Variants in XPR1 observed in about 807,000 individuals in gnomAD.
The protein encoded by XPR1 is xenotropic and polytropic retrovirus receptor 1.
XPR1 carries 28 observed loss-of-function variants against 87.5 expected under a neutral mutation model. The ratio of observed to expected loss-of-function variants is 0.32; its 90% CI spans 0.24 to 0.44. The LOEUF (loss-of-function observed/expected upper bound fraction) is 0.44, where lower values mean the gene tolerates loss of function less well. XPR1 is among the 20% of genes least tolerant of loss of function. The pLI, the probability that XPR1 is intolerant of heterozygous loss-of-function variation, is 1.00. For missense variants in XPR1, 559 were observed against 862.3 expected (o/e 0.65, Z 4.41); for synonymous variants, 300 against 306.1 (o/e 0.98, Z 0.21).
intron 1 of XPR1, among the ~76,000 whole-genome samples, chr1:180,657,850 G>A (rs1303270171): frequency 6.6e-6 from 1 of 152,058 alleles, no homozygotes; most frequent in Non-Finnish European, 1.5e-5. Flanking sequence ...GATAGAGATT[G>A]CATTGAATCT....
At chr1:180,780,953 T>G (rs1261231437) in intron 2 of XPR1, among the ~76,000 whole-genome samples, 1 of 152,010 alleles carries the variant, frequency 6.6e-6, no homozygotes, top group East Asian at 1.9e-4. Flanking sequence ...ATCTATCAAT[T>G]TTTTTATTTG....
chr1:180,670,589 T>G (rs1238164683), intron 1 of XPR1, among the ~76,000 whole-genome samples: 2 of 152,242 alleles, frequency 1.3e-5, no homozygotes, highest in Non-Finnish European at 2.9e-5. Flanking sequence ...AATAATTCTT[T>G]TGAATGTGTT....
intron 6 of XPR1, among the ~76,000 whole-genome samples, chr1:180,810,164 A>G (rs1454744630): frequency 6.6e-6 from 1 of 152,118 alleles, no homozygotes; most frequent in African/African-American, 2.4e-5. Context: ...AGTTTCAAAA[A>G]TCGCTTTCTA....
At chr1:180,838,079 C>G (rs1651367042) in intron 11 of XPR1, among the ~76,000 whole-genome samples, 1 of 152,134 alleles carries the variant, frequency 6.6e-6, no homozygotes, top group African/African-American at 2.4e-5. Flanking sequence ...AAAAGCACTA[C>G]TAATAGTTAC....
At chr1:180,815,922 A>T (rs1019835670) in intron 7 of XPR1, among the ~76,000 whole-genome samples, 38 of 152,216 alleles carry the variant, frequency 2.5e-4, no homozygotes, top group Non-Finnish European at 2.9e-5. Context: ...TCCTACAAAC[A>T]TACTTGTACA....
intron 1 of XPR1, among the ~76,000 whole-genome samples, chr1:180,662,196 C>T (rs1355837892): frequency 3.3e-5 from 5 of 152,108 alleles, no homozygotes; most frequent in Non-Finnish European, 4.4e-5. Context: ...TCTTACTGCT[C>T]ATTCTTGTCC....
chr1:180,708,172 T>C (rs1160965069), intron 2 of XPR1, among the ~76,000 whole-genome samples: 1 of 152,210 alleles, frequency 6.6e-6, no homozygotes, highest in African/African-American at 2.4e-5. Flanking sequence ...CTATTACAAA[T>C]AGGAGTTTTC....
chr1:180,820,033 TTA>T (rs995996775), intron 7 of XPR1, among the ~76,000 whole-genome samples: 1 of 150,680 alleles, frequency 6.6e-6, no homozygotes. Flanking sequence ...AAAAAAAAAA[TTA>T]TATATATATA....
chr1:180,768,566 A>G (rs1451979550), intron 2 of XPR1, among the ~76,000 whole-genome samples: 1 of 152,254 alleles, frequency 6.6e-6, no homozygotes, highest in Non-Finnish European at 1.5e-5. Flanking sequence ...TGCATTCTGC[A>G]GGATTTAGGA....
In XPR1 at chr1:180,762,183, A is replaced by G. The variant is rs968652610; in HGVS notation, c.122-25570A>G. Among the ~76,000 whole-genome samples the G allele has an allele frequency of 9.2e-5, 14 of 151,860 alleles. No individual in the cohort carries two copies. The South Asian group carries it at 2.1e-3, about 23-fold the overall frequency. On this transcript the variant is annotated intron_variant, in intron 2 of 14. Transcript: ENST00000367590. Reference sequence around the variant, plus strand: ...TATACCTAATGCTGAATGATGAGTTAATGGGTGCAGCACACCAACATGGCA... The same window carrying G: ...TATACCTAATGCTGAATGATGAGTTGATGGGTGCAGCACACCAACATGGCA...
In XPR1 at chr1:180,825,463, T is replaced by C. The variant is rs537212738; in HGVS notation, c.1134+119T>C. 4.7e-5 allele frequency: 50 copies of C among 1,057,016 alleles called. No individual in the cohort carries two copies. In the Admixed American group the frequency reaches 9.2e-4, roughly 20 times the overall value. The allele number at this position is 1,057,016 out of a possible 1,614,324, so 65.5% of individuals were successfully genotyped here. On this transcript the variant is annotated intron_variant, in intron 9 of 14. Coordinates refer to ENST00000367590, the MANE Select transcript of XPR1 (RefSeq NM_004736.4). ...CAGAGGCCGTGGTTCACATTATAGT[T>C]TATGTGAGTGGAGGCCCTGGGAAAA...
intron 2 of XPR1, among the ~76,000 whole-genome samples, chr1:180,775,782 TG>T (rs1648692075): frequency 6.6e-6 from 1 of 152,162 alleles, no homozygotes; most frequent in African/African-American, 2.4e-5. Flanking sequence ...TTGTCATATT[TG>T]TTAAATGGAG....
chr1:180,754,659 G>A (rs1019077195), intron 2 of XPR1, among the ~76,000 whole-genome samples: 4 of 151,756 alleles, frequency 2.6e-5, no homozygotes, highest in Non-Finnish European at 5.9e-5. Context: ...ACAGGGTTTC[G>A]CCATGCTGCC....
chr1:180,860,725 G>A (rs576442445), intron 11 of XPR1, among the ~76,000 whole-genome samples: 1 of 151,802 alleles, frequency 6.6e-6, no homozygotes, highest in East Asian at 1.9e-4. Context: ...ATTCTTTGGA[G>A]TTATGGAGAT....
At position 180,888,522 on chromosome 1, in the gene XPR1, C is replaced by T. The variant is rs987563138; in HGVS notation, c.*4456C>T. ...ATCTAATAGGAATTCAGTGTCATTA[C>T]AGATACGGTCTCTAGTGACCAGGTG... On this transcript the variant is annotated 3_prime_UTR_variant, in exon 15 of 15. Transcript: ENST00000367590. 3 of 151,932 alleles carry T rather than the reference C, an allele frequency of 2.0e-5. No homozygotes were observed. The highest frequency in any genetic ancestry group is 4.4e-5 in the Non-Finnish European group (3 of 67,986). The allele number at this position is 151,932 out of a possible 1,614,324, so 9.4% of individuals were successfully genotyped here.
chr1:180,874,191 G>A (rs1010051104), intron 13 of XPR1: 59 of 355,580 alleles, frequency 1.7e-4, no homozygotes, highest in African/African-American at 8.0e-4. Flanking sequence ...TACTGTGCCC[G>A]GCCCAGAGGT....
intron 1 of XPR1, among the ~76,000 whole-genome samples, chr1:180,642,745 C>T (rs1464001990): frequency 6.6e-6 from 1 of 152,016 alleles, no homozygotes; most frequent in African/African-American, 2.4e-5. Context: ...GGGTGGTCTC[C>T]TGATCACAGT....
At chr1:180,742,825 G>T (rs1013224867) in intron 2 of XPR1, among the ~76,000 whole-genome samples, 1 of 151,990 alleles carries the variant, frequency 6.6e-6, no homozygotes. Flanking sequence ...TGTTGTAGGT[G>T]CATCCACACT....
intron 2 of XPR1, among the ~76,000 whole-genome samples, chr1:180,726,557 C>T (rs545942885): frequency 6.6e-6 from 1 of 152,316 alleles, no homozygotes; most frequent in South Asian, 2.1e-4. Context: ...TATCCATTCA[C>T]CCCTCTTGGG....
Sources: gnomAD v4.1 joint callset for allele counts (sites outside exome capture counted in the v4.1 genomes callset) on GRCh38, gnomAD v4.1.1 for gene constraint, MANE v1.5 for transcripts, NCBI Gene and HGNC (gene_info 2026-07-23, HGNC 2026-07-21) for gene names.